TSHZ3: variants seen among roughly 807,000 people sequenced by gnomAD.
The protein encoded by TSHZ3 is teashirt homolog 3.
TSHZ3 carries 10 observed loss-of-function variants against 64.5 expected under a neutral mutation model. That is an observed-to-expected ratio of 0.16 (90% CI 0.10 to 0.26). The LOEUF (loss-of-function observed/expected upper bound fraction) is 0.26. Ranked by LOEUF, TSHZ3 falls within the 10% of genes least tolerant of loss-of-function variation. TSHZ3 has a pLI of 1.00. For synonymous variants in TSHZ3, 608 were observed against 593.1 expected, an observed-to-expected ratio of 1.03 and a Z score of -0.36; for missense variants, 1,242 against 1,421.7, an observed-to-expected ratio of 0.87 and a Z score of 2.03.
At chr19:31,183,228 T>TTTC (rs1568340037) in intron 5 of TSHZ3, among the ~76,000 whole-genome samples, 144 of 12,532 alleles carry the variant, frequency 0.011, no homozygotes, top group African/African-American at 0.034. Flanking sequence ...CTCTCTCTCT[T>TTTC]TCTCTCTCTC....
At chr19:31,303,870 G>C (rs1375946697) in intron 1 of TSHZ3, among the ~76,000 whole-genome samples, 1 of 152,062 alleles carries the variant, frequency 6.6e-6, no homozygotes, top group Non-Finnish European at 1.5e-5. Context: ...GCTACCATTT[G>C]GTGACATGGA....
chr19:31,290,337 G>A (rs1976542124), intron 1 of TSHZ3, among the ~76,000 whole-genome samples: 3 of 152,094 alleles, frequency 2.0e-5, no homozygotes, highest in Non-Finnish European at 4.4e-5. Context: ...GACCGGGAGG[G>A]GCTCAAAGCA....
At chr19:31,206,076 A>AATGGATGGATGG in intron 4 of TSHZ3, among the ~76,000 whole-genome samples, 1 of 145,560 alleles carries the variant, frequency 6.9e-6, no homozygotes, top group East Asian at 2.1e-4. Flanking sequence ...GGATGGGTGA[A>AATGGATGGATGG]ATGGATGGAT....
intron 4 of TSHZ3, among the ~76,000 whole-genome samples, chr19:31,213,668 A>G (rs1224648227): frequency 2.6e-5 from 4 of 152,194 alleles, no homozygotes; most frequent in African/African-American, 9.6e-5. Context: ...TGTAAGCAAC[A>G]GGAGGTATAT....
Position 31,279,280 on chromosome 19 carries a change from G to A in TSHZ3, c.513C>T (p.Ala171=). The A allele has an allele frequency of 6.2e-7, 1 of 1,614,048 alleles. No homozygotes were observed. Among genetic ancestry groups the A allele is most frequent in the Non-Finnish European group, 8.5e-7 (1 of 1,179,978 alleles). ...ACACCTGCTGCAGCGTCTTAGCCAT[G>A]GCGCTCTGGTGCCAGTCGAAGCTCC... is the stretch of plus-strand genomic sequence containing the variant. ...GSGSFDWHQS[A]MAKTLQQVSQ... Residue 171 remains alanine (A), a synonymous_variant, in exon 2 of 2, where the codon GCC becomes GCT. Coordinates refer to ENST00000240587, the MANE Select transcript of TSHZ3 (RefSeq NM_020856.4). The surrounding 1 kb of genome is among the most constrained non-coding windows in gnomAD (Gnocchi z 6.4).
intron 5 of TSHZ3, among the ~76,000 whole-genome samples, chr19:31,172,930 T>G (rs1244505839): frequency 6.6e-6 from 1 of 151,476 alleles, no homozygotes; most frequent in Non-Finnish European, 1.5e-5. Context: ...AAGGAGGGAG[T>G]GGCAGGAGTT....
At chr19:31,271,320 C>A (rs1370316705), downstream of TSHZ3, among the ~76,000 whole-genome samples, 1 of 152,088 alleles carries the variant, frequency 6.6e-6, no homozygotes, top group African/African-American at 2.4e-5. Context: ...AAAAATGGTG[C>A]CCGTGAGTCA....
rs146785676 is a variant in TSHZ3 at position 31,239,917 on chromosome 19, T to G, written n.550+2352A>C. ...ATTGTTTGATATGAAAAGTCAACAGTAAGTTATTTTTATCCTTTTGTTTCA... is the reference window on the plus strand; with the variant it reads ...ATTGTTTGATATGAAAAGTCAACAGGAAGTTATTTTTATCCTTTTGTTTCA... On this transcript the variant is annotated intron_variant and non_coding_transcript_variant, in intron 3 of 6. Transcript: ENST00000651361. Among the ~76,000 whole-genome samples the G allele has an allele frequency of 6.2e-4, 95 of 152,366 alleles. 2 individuals carry two copies. The East Asian group carries it at 0.017, about 28-fold the overall frequency.
intron 6 of TSHZ3, among the ~76,000 whole-genome samples, chr19:31,152,850 G>A (rs1974259438): frequency 6.6e-6 from 1 of 152,154 alleles, no homozygotes; most frequent in Non-Finnish European, 1.5e-5. Flanking sequence ...CCAGACCCAT[G>A]CCTTGAATGG....
intron 1 of TSHZ3, among the ~76,000 whole-genome samples, chr19:31,286,780 C>T (rs756066170): frequency 1.3e-4 from 20 of 152,316 alleles, no homozygotes; most frequent in Middle Eastern, 6.8e-3. Context: ...ACCTACCCTT[C>T]CAGGAGGGTC....
chr19:31,153,578 A>G (rs141268134), intron 6 of TSHZ3, among the ~76,000 whole-genome samples: 1 of 152,350 alleles, frequency 6.6e-6, no homozygotes, highest in Non-Finnish European at 1.5e-5. Context: ...CGTAGTTGCT[A>G]TCACTTGACT....
intron 4 of TSHZ3, among the ~76,000 whole-genome samples, chr19:31,206,271 G>T (rs1975172567): frequency 6.6e-6 from 1 of 151,836 alleles, no homozygotes; most frequent in Non-Finnish European, 1.5e-5. Context: ...ATGGATGGAT[G>T]GATACGTAGA....
chr19:31,196,826 A>G (rs545472164), intron 5 of TSHZ3, among the ~76,000 whole-genome samples: 1 of 152,108 alleles, frequency 6.6e-6, no homozygotes, highest in South Asian at 2.1e-4. Context: ...AATGGGTAGA[A>G]CTGAAAAGAA....
Position 31,276,482 on chromosome 19 carries a change from G to T in TSHZ3, c.*65C>A, listed in dbSNP as rs1253326308. The T allele has an allele frequency of 3.5e-6, 5 of 1,413,952 alleles. No individual in the cohort carries two copies. Among genetic ancestry groups the T allele is most frequent in the Non-Finnish European group, 3.8e-6 (4 of 1,041,154 alleles). The allele number at this position is 1,413,952 out of a possible 1,614,324, so 87.6% of individuals were successfully genotyped here. A position where few individuals can be genotyped will look rare whatever the true frequency, so the allele number is the denominator to read the frequency against. ...TGCCAAGAACAACAAGTCAGAGGGG[G>T]CCTGAAGGTGCCTTCCACAGTTTCC... On this transcript the variant is annotated 3_prime_UTR_variant, in exon 2 of 2. Coordinates refer to ENST00000240587, the MANE Select transcript of TSHZ3 (RefSeq NM_020856.4).
intron 3 of TSHZ3, among the ~76,000 whole-genome samples, chr19:31,236,404 C>A (rs1449113134): frequency 6.6e-6 from 1 of 152,176 alleles, no homozygotes; most frequent in African/African-American, 2.4e-5. Flanking sequence ...CACTGAGCAC[C>A]TTTTCATACA....
At chr19:31,336,515 C>T (rs548320978) in intron 1 of TSHZ3, among the ~76,000 whole-genome samples, 8 of 152,264 alleles carry the variant, frequency 5.3e-5, no homozygotes, top group South Asian at 4.2e-4. Context: ...AGCATCTTGA[C>T]GGTGGACCTC....
At chr19:31,266,135 G>T (rs1195895755) in intron 1 of TSHZ3, among the ~76,000 whole-genome samples, 2 of 152,106 alleles carry the variant, frequency 1.3e-5, no homozygotes, top group Non-Finnish European at 2.9e-5. Flanking sequence ...ACCTCAGGGA[G>T]CCCATGTCCC....
At chr19:31,183,182 CTCTCTCT>C (rs1974746012) in intron 5 of TSHZ3, among the ~76,000 whole-genome samples, 1 of 70,888 alleles carries the variant, frequency 1.4e-5, no homozygotes, top group East Asian at 6.1e-4. Context: ...ATGAGATTCT[CTCTCTCT>C]CTCTCTCTCT....
intron 4 of TSHZ3, among the ~76,000 whole-genome samples, chr19:31,226,614 C>T (rs1017163728): frequency 6.6e-6 from 1 of 152,152 alleles, no homozygotes; most frequent in East Asian, 1.9e-4. Flanking sequence ...TCCATCAGAA[C>T]TTCCCTGCTA....
Sources: allele counts gnomAD v4.1 joint callset (sites outside exome capture counted in the v4.1 genomes callset), GRCh38; gene constraint gnomAD v4.1.1; non-coding constraint Gnocchi (gnomAD v3.1); transcripts MANE v1.5; gene names NCBI Gene and HGNC (gene_info 2026-07-23, HGNC 2026-07-21).